The following PRDM5 variants were observed in gnomAD, a reference collection of about 807,000 sequenced individuals.
PRDM5 encodes the protein PR/SET domain 5, also known as PR domain zinc finger protein 5.
Under a neutral mutation model 81.2 loss-of-function variants are expected in PRDM5, and 56 were observed. That is an observed-to-expected ratio of 0.69 (90% CI 0.56 to 0.86). PRDM5 has a LOEUF of 0.86. Ranked by LOEUF, PRDM5 falls within the 40% of genes least tolerant of loss-of-function variation. The pLI is 0.00. For missense variants in PRDM5, 697 were observed against 770.1 expected (o/e 0.91, Z 1.12); for synonymous variants, 267 against 256.4 (o/e 1.04, Z -0.39).
chr4:120,898,150 G>C (rs554140259), intron 2 of PRDM5, among the ~76,000 whole-genome samples: 1 of 152,174 alleles, frequency 6.6e-6, no homozygotes, highest in East Asian at 1.9e-4. Flanking sequence ...TTCACAGCTG[G>C]GCTTCAGTTG....
At chr4:120,686,872 A>G (rs557892250) in intron 1 of PRDM5, among the ~76,000 whole-genome samples, 1 of 152,112 alleles carries the variant, frequency 6.6e-6, no homozygotes, top group South Asian at 2.1e-4. Context: ...TTAAGTTACA[A>G]ATCACTCCTT....
intron 15 of PRDM5, among the ~76,000 whole-genome samples, chr4:120,697,668 C>CTTTT (rs1734691599): frequency 2.3e-5 from 1 of 42,860 alleles, no homozygotes; most frequent in African/African-American, 5.4e-5. Context: ...GCCCAGCTAA[C>CTTTT]TATTTTTTTT....
At chr4:120,887,500 G>T (rs1039686884) in intron 2 of PRDM5, among the ~76,000 whole-genome samples, 9 of 152,096 alleles carry the variant, frequency 5.9e-5, no homozygotes, top group African/African-American at 2.2e-4. Context: ...TCAGTCTCCT[G>T]CTCAAATCCC....
At chr4:120,799,631 C>T in intron 9 of PRDM5, 30 bp downstream of exon 9, 1 of 1,606,854 alleles carries the variant, frequency 6.2e-7, no homozygotes, top group Non-Finnish European at 8.5e-7. Flanking sequence ...GTAATGATAT[C>T]ACTATAAACA....
At position 120,695,151 on chromosome 4, in the gene PRDM5, T is replaced by G. The variant is rs751823310; in HGVS notation, c.1853A>C (p.Lys618Thr). 6.2e-7 allele frequency: 1 copy of G among 1,613,460 alleles called. No individual in the cohort carries two copies. Among genetic ancestry groups the G allele is most frequent in the Non-Finnish European group, 8.5e-7 (1 of 1,179,500 alleles). ...ACCATGGATATTGTCCATGTGCACTTTGAGGTAGTCATTCCTTGTAAACTT... is the reference window on the plus strand; with the variant it reads ...ACCATGGATATTGTCCATGTGCACTGTGAGGTAGTCATTCCTTGTAAACTT... ...HKKFTRNDYL[K>T]VHMDNIHGVA... Residue 618 changes from lysine to threonine, a missense_variant, in exon 16 of 16, where the codon AAA becomes ACA. Physicochemically the swap from Lys to Thr is moderately conservative, Grantham distance 78. Around this residue, in one of 3 missense-constraint regions of PRDM5, gnomAD observed 34 missense variants for 28.1 expected, o/e 1.21. Transcript: ENST00000264808.
chr4:120,775,521 T>G (rs1748022619), intron 13 of PRDM5, among the ~76,000 whole-genome samples: 1 of 152,168 alleles, frequency 6.6e-6, no homozygotes, highest in Non-Finnish European at 1.5e-5. Flanking sequence ...AGCTATGTCT[T>G]AATGCATTCT....
chr4:120,737,136 T>C (rs184567501), intron 14 of PRDM5, among the ~76,000 whole-genome samples: 3 of 152,234 alleles, frequency 2.0e-5, no homozygotes, highest in East Asian at 3.9e-4. Context: ...AGTGGCTTCA[T>C]CAGAGGATCA....
chr4:120,863,142 A>C (rs1160117480), intron 2 of PRDM5, among the ~76,000 whole-genome samples: 1 of 138,048 alleles, frequency 7.2e-6, no homozygotes, highest in African/African-American at 2.7e-5. Context: ...TGGGTGACAG[A>C]GCAAGACTCT....
Position 120,879,065 on chromosome 4 carries a change from G to A in PRDM5, c.178-25525C>T, listed in dbSNP as rs141679332. 1.4e-3 allele frequency among the ~76,000 whole-genome samples: 215 copies of A among 152,214 alleles called. 1 individual carries two copies. The highest frequency in any genetic ancestry group is 1.9e-3 in the Non-Finnish European group (130 of 68,000). On this transcript the variant is annotated intron_variant, in intron 2 of 15. Transcript: ENST00000264808. The stretch of plus-strand genomic sequence containing the variant: ...TTACCCAAGTGAGTTGAAAATTTAT[G>A]TCCACACCACACAAAAACTGCCCAC...
chr4:120,858,806 G>A (rs1032451748), intron 2 of PRDM5, among the ~76,000 whole-genome samples: 2 of 152,038 alleles, frequency 1.3e-5, no homozygotes, highest in East Asian at 3.9e-4. Flanking sequence ...TAATATAAAA[G>A]TACTGATGAG....
rs116134735 is a variant in PRDM5, at chr4:120,728,081, G to T, written c.1624-17668C>A. Among the ~76,000 whole-genome samples, 4 of 152,078 alleles carry T rather than the reference G, an allele frequency of 2.6e-5. No homozygotes were observed. In the South Asian group the frequency reaches 6.2e-4, roughly 24 times the overall value. On this transcript the variant is annotated intron_variant, in intron 14 of 15. Transcript: ENST00000264808. Reference sequence around the variant, plus strand: ...TTAGCCTGGCCCAACTGCTGACCCCGGGGTGAAAGGCTTCCGGTCTCATTG... The same window carrying T: ...TTAGCCTGGCCCAACTGCTGACCCCTGGGTGAAAGGCTTCCGGTCTCATTG...
chr4:120,709,755 C>G (rs762685719), intron 15 of PRDM5, among the ~76,000 whole-genome samples: 2 of 152,110 alleles, frequency 1.3e-5, no homozygotes, highest in Admixed American at 6.5e-5. Flanking sequence ...TTACTGTCAA[C>G]AGTAGTATTT....
chr4:120,902,617 C>T (rs1765344980), intron 2 of PRDM5, among the ~76,000 whole-genome samples: 1 of 152,162 alleles, frequency 6.6e-6, no homozygotes, highest in Non-Finnish European at 1.5e-5. Context: ...TAACCTCAAG[C>T]TTTGTAATAT....
intron 7 of PRDM5, among the ~76,000 whole-genome samples, chr4:120,811,841 G>A (rs1303672354): frequency 6.6e-6 from 1 of 151,574 alleles, no homozygotes; most frequent in Non-Finnish European, 1.5e-5. Flanking sequence ...GGGTAATTGG[G>A]GTACCTATCA....
chr4:120,889,537 T>C (rs113558284), intron 2 of PRDM5, among the ~76,000 whole-genome samples: 1 of 152,296 alleles, frequency 6.6e-6, no homozygotes, highest in African/African-American at 2.4e-5. Context: ...AAAAAATTAA[T>C]AAAAATAAAC....
chr4:120,844,042 G>A (rs963955913), intron 3 of PRDM5, among the ~76,000 whole-genome samples: 2 of 152,106 alleles, frequency 1.3e-5, no homozygotes, highest in African/African-American at 4.8e-5. Context: ...GGGTGCATAG[G>A]CCGCTGCGGC....
intron 8 of PRDM5, among the ~76,000 whole-genome samples, chr4:120,809,185 C>A (rs1364216955): frequency 1.3e-5 from 2 of 150,014 alleles, no homozygotes; most frequent in Admixed American, 6.7e-5. Context: ...TAGGTGGGAA[C>A]TGAAAAATGA....
At chr4:120,826,303 A>G (rs145123743) in intron 3 of PRDM5, among the ~76,000 whole-genome samples, 80 of 152,276 alleles carry the variant, frequency 5.3e-4, no homozygotes, top group Non-Finnish European at 3.8e-4. Flanking sequence ...GCCCCTTGCT[A>G]TAACTCCTCC....
At chr4:120,786,304 A>T (rs1749754719) in intron 10 of PRDM5, among the ~76,000 whole-genome samples, 1 of 152,154 alleles carries the variant, frequency 6.6e-6, no homozygotes, top group South Asian at 2.1e-4. Flanking sequence ...GAAAGAACAG[A>T]TATTTAAGAT....
Sources: allele counts gnomAD v4.1 joint callset (sites outside exome capture counted in the v4.1 genomes callset), GRCh38; gene constraint gnomAD v4.1.1; regional missense constraint gnomAD v4.1.1; transcripts MANE v1.5; gene names NCBI Gene and HGNC (gene_info 2026-07-23, HGNC 2026-07-21).